The following FN1 variants were observed in gnomAD, a reference collection of about 807,000 sequenced individuals.
The protein encoded by FN1 is fibronectin.
In FN1, 106 loss-of-function variants were observed where a neutral mutation model predicts 297.3. The ratio of observed to expected loss-of-function variants is 0.36; its 90% CI spans 0.30 to 0.42. The LOEUF is 0.42. Among genes scored for constraint, FN1 ranks in the 10% least tolerant of loss-of-function variants. FN1 has a pLI of 1.00. For synonymous variants in FN1, 1,149 were observed against 1,152.6 expected (o/e 1.00, Z 0.06); for missense variants, 2,690 against 3,124.9 (o/e 0.86, Z 3.32).
rs750049518 is a variant in FN1 at position 215,379,155 on chromosome 2, G to A, written c.5597C>T (p.Ser1866Leu). The change falls in exon 34 of 46, where the codon TCA (serine) becomes TTA (leucine). Residue 1866 changes from serine (S) to leucine (L), a missense_variant. This residue lies in a region of FN1 where 1,743 missense variants were observed against 1,945.2 expected (regional missense o/e 0.90). Transcript: ENST00000354785. ...CATAAGTCCTGATACAACCACGGAT[G>A]AGCTGTCAGGAGCAAGGTTGATTTC... is the stretch of plus-strand genomic sequence containing the variant. ...MKEINLAPDSSSVVVSGLMVA... is the reference protein window; with the variant it reads ...MKEINLAPDSLSVVVSGLMVA... 2.1e-5 allele frequency: 34 copies of A among 1,613,974 alleles called. No homozygotes were observed. Among genetic ancestry groups the A allele is most frequent in the Middle Eastern group, 3.3e-4 (2 of 6,084 alleles).
chr2:215,418,864 T>C (rs1041828010), intron 12 of FN1, among the ~76,000 whole-genome samples: 1 of 152,236 alleles, frequency 6.6e-6, no homozygotes, highest in Admixed American at 6.5e-5. Context: ...CATCTCTCTA[T>C]GCAGCTTCTC....
chr2:215,423,672 T>C lies in FN1; in HGVS notation c.1217-146A>G. 3.9e-6 allele frequency: 3 copies of C among 777,418 alleles called. No homozygotes were observed. The South Asian group carries it at 4.6e-5, about 12-fold the overall frequency. The allele number at this position is 777,418 out of a possible 1,614,324, so 48.2% of individuals were successfully genotyped here. On this transcript the variant is annotated intron_variant, in intron 8 of 45. Transcript: ENST00000354785. Reference sequence around the variant, plus strand: ...GAATAAAAAATGTCTGATAATATAGTTCTAAGCTTCTTAGCATATTTACCT... The same window carrying C: ...GAATAAAAAATGTCTGATAATATAGCTCTAAGCTTCTTAGCATATTTACCT...
intron 13 of FN1, 93 bp downstream of exon 13, chr2:215,414,744 A>T (rs2063192558): frequency 6.3e-7 from 1 of 1,577,694 alleles, no homozygotes; most frequent in African/African-American, 1.4e-5. Context: ...AGTTAATCAG[A>T]GTTGTTGGCT....
chr2:215,414,463 A>C (rs2063144225), intron 13 of FN1, among the ~76,000 whole-genome samples: 1 of 152,196 alleles, frequency 6.6e-6, no homozygotes, highest in South Asian at 2.1e-4. Flanking sequence ...AAATGATGCC[A>C]GTAATTTTCC....
Position 215,386,949 on chromosome 2 carries a change from G to A in FN1, c.4352C>T (p.Ser1451Phe), listed in dbSNP as rs200328497. The A allele has an allele frequency of 5.3e-5, 85 of 1,611,058 alleles. No individual in the cohort carries two copies. The highest frequency in any genetic ancestry group is 7.0e-5 in the Non-Finnish European group (83 of 1,178,932). The change falls in exon 28 of 46, where the codon TCC becomes TTC. Residue 1451 changes from serine (S) to phenylalanine (F), a missense_variant. By Grantham distance (155) the Ser-to-Phe change is radical. Around this residue, in one of 3 missense-constraint regions of FN1, gnomAD observed 1,743 missense variants for 1,945.2 expected, o/e 0.90. Coordinates refer to ENST00000354785, the MANE Select transcript of FN1 (RefSeq NM_212482.4). ...LRGRQKTGLD[S>F]PTGIDFSDIT... is the part of the protein sequence containing the mutation. ...ATCAGAAAAGTCAATGCCAGTTGGG[G>A]AATCAAGACCTGTTTTTCCCACCCG...
chr2:215,362,189 T>G, intron 44 of FN1, 110 bp from the exon 45 acceptor site: 1 of 755,550 alleles, frequency 1.3e-6, no homozygotes, highest in Non-Finnish European at 2.3e-6. Flanking sequence ...TGGCAAAATA[T>G]AAGCAGTTAA....
chr2:215,419,430 A>G, intron 11 of FN1, 45 bp from the exon 12 acceptor site: 1 of 1,542,778 alleles, frequency 6.5e-7, no homozygotes, highest in Non-Finnish European at 9.0e-7. Context: ...GAAGACTTAT[A>G]ACTACGAATT....
chr2:215,376,809 T>A (rs145866495), intron 35 of FN1, 135 bp from the exon 36 acceptor site: 7 of 733,858 alleles, frequency 9.5e-6, no homozygotes, highest in Non-Finnish European at 1.6e-5. Context: ...GTGTAGATTA[T>A]CTCCTTTGGC....
At chr2:215,399,612 C>G (rs1266930627) in intron 20 of FN1, among the ~76,000 whole-genome samples, 1 of 152,104 alleles carries the variant, frequency 6.6e-6, no homozygotes, top group Non-Finnish European at 1.5e-5. Context: ...GTTTGCATTT[C>G]TGACAAACAC....
intron 6 of FN1, among the ~76,000 whole-genome samples, chr2:215,427,670 T>G (rs2065715364): frequency 6.6e-6 from 1 of 152,208 alleles, no homozygotes; most frequent in South Asian, 2.1e-4. Flanking sequence ...AAACCACATA[T>G]AAAGGATGGT....
chr2:215,373,431 A>C lies in FN1; in HGVS notation c.6158-20T>G. The stretch of plus-strand genomic sequence containing the variant: ...CCAGGCCTGAAGGGAGAATAGAACC[A>C]TCACATTATGTCAATGGGCTCAGCT... On this transcript the variant is annotated intron_variant, in intron 38 of 45. Transcript: ENST00000354785. 3 of 1,595,894 alleles carry C rather than the reference A, an allele frequency of 1.9e-6. No homozygotes were observed. Among genetic ancestry groups the C allele is most frequent in the Non-Finnish European group, 2.6e-6 (3 of 1,164,158 alleles).
At chr2:215,421,013 T>C (rs927537747) in intron 10 of FN1, 5 of 537,644 alleles carry the variant, frequency 9.3e-6, no homozygotes, top group Non-Finnish European at 1.3e-5. Context: ...TCCCAAAATG[T>C]GTAACTTTTG....
chr2:215,423,624 T>A, intron 8 of FN1, 98 bp from the exon 9 acceptor site: 1 of 1,048,076 alleles, frequency 9.5e-7, no homozygotes, highest in Non-Finnish European at 1.5e-6. Context: ...TTTCTGCAGC[T>A]CATTCACAGA....
chr2:215,383,302 C>A (rs1393057175), intron 31 of FN1, 26 bp downstream of exon 31: 1 of 1,613,686 alleles, frequency 6.2e-7, no homozygotes, highest in East Asian at 2.2e-5. Context: ...GCCACCGCAC[C>A]TGGCCGAGAT....
chr2:215,363,412 G>A (rs1479968383), intron 44 of FN1: 2 of 151,986 alleles, frequency 1.3e-5, no homozygotes, highest in African/African-American at 4.8e-5. Flanking sequence ...GAGAGATACT[G>A]AATTCAATCT....
intron 42 of FN1, among the ~76,000 whole-genome samples, chr2:215,366,401 G>C (rs908041009): frequency 7.9e-5 from 12 of 152,158 alleles, no homozygotes; most frequent in African/African-American, 2.9e-4. Context: ...AGGATCAGCT[G>C]ATCTCTACAC....
intron 12 of FN1, 96 bp from the exon 13 acceptor site, chr2:215,415,054 C>T: frequency 1.1e-6 from 1 of 944,132 alleles, no homozygotes; most frequent in Non-Finnish European, 1.7e-6. Context: ...AACAGCTTTG[C>T]TTGTCGTTAA....
rs779585494 is a variant in FN1, at chr2:215,407,155, T to C, written c.2685A>G (p.Gln895=). 6.2e-6 allele frequency: 10 copies of C among 1,614,178 alleles called. No individual in the cohort carries two copies. The East Asian group carries it at 2.0e-4, about 32-fold the overall frequency. Residue 895 remains glutamine (Q), a synonymous_variant, in exon 18 of 46, where the codon CAA becomes CAG. Transcript: ENST00000354785. Reference sequence around the variant, plus strand: ...AGCGTGGGGTGCCAGTGGTTTCTTGTTGAATGACAACAGGTGTACTTTCTT... The same window carrying C: ...AGCGTGGGGTGCCAGTGGTTTCTTGCTGAATGACAACAGGTGTACTTTCTT... ...ENQESTPVVI[Q]QETTGTPRSD...
intron 33 of FN1, chr2:215,379,634 A>T (rs1439675478): frequency 3.6e-6 from 1 of 274,094 alleles, no homozygotes; most frequent in African/African-American, 2.3e-5. Flanking sequence ...CTTATTGGCC[A>T]TTATGATTTA....
Sources: gnomAD v4.1 joint callset for allele counts (sites outside exome capture counted in the v4.1 genomes callset) on GRCh38, gnomAD v4.1.1 for gene constraint, gnomAD v4.1.1 regional missense constraint, MANE v1.5 for transcripts, NCBI Gene and HGNC (gene_info 2026-07-23, HGNC 2026-07-21) for gene names.